WWOX: variants seen among roughly 807,000 people sequenced by gnomAD.
WWOX encodes WW domain containing oxidoreductase.
Under a neutral mutation model 46.2 loss-of-function variants are expected in WWOX, and 69 were observed. The ratio of observed to expected loss-of-function variants is 1.49; its 90% CI spans 1.23 to 1.82. The LOEUF (loss-of-function observed/expected upper bound fraction) is 1.82. Ranked by LOEUF, WWOX falls within the 40% of genes most tolerant of loss-of-function variation. WWOX has a pLI of 0.00. For synonymous variants in WWOX, 359 were observed against 202.6 expected (o/e 1.77, Z -6.56); for missense variants, 919 against 542.6 (o/e 1.69, Z -6.89).
intron 5 of WWOX, among the ~76,000 whole-genome samples, chr16:78,321,868 C>T (rs919113876): frequency 6.6e-5 from 10 of 152,040 alleles, no homozygotes; most frequent in African/African-American, 2.4e-4. Context: ...GCATATGATT[C>T]TGTTGACATT....
rs138002331 is a variant in WWOX, at chr16:79,211,976, G to GGTAAA, written c.*184_*188dup. ...CCAATGGGAAGCAGGGAATTCCTGG[G>GGTAAA]GTAAAGTATCACTTTTCTGGGGCTG... On this transcript the variant is annotated 3_prime_UTR_variant, in exon 9 of 9. Transcript: ENST00000566780. 79,265 of 1,535,944 alleles carry GGTAAA rather than the reference G, an allele frequency of 0.052. 2,761 individuals are homozygous for GGTAAA. Among genetic ancestry groups the GGTAAA allele is most frequent in the African/African-American group, 0.17 (12,375 of 73,102 alleles).
intron 8 of WWOX, among the ~76,000 whole-genome samples, chr16:79,107,749 C>T (rs1218756291): frequency 7.2e-5 from 11 of 152,162 alleles, no homozygotes; most frequent in Admixed American, 1.3e-4. Context: ...ATAAATTTCT[C>T]CCAAGGAAAT....
intron 8 of WWOX, among the ~76,000 whole-genome samples, chr16:78,914,074 TA>T (rs1165263104): frequency 6.6e-6 from 1 of 151,976 alleles, no homozygotes; most frequent in Admixed American, 6.6e-5. Flanking sequence ...GGAAATGGAG[TA>T]TGACAGTATC....
intron 8 of WWOX, among the ~76,000 whole-genome samples, chr16:78,906,281 G>A (rs533041442): frequency 2.6e-5 from 4 of 152,308 alleles, no homozygotes; most frequent in Admixed American, 2.0e-4. Flanking sequence ...CATAGCCCAA[G>A]GCAGCTTGAG....
At chr16:78,844,992 A>G (rs1333727989) in intron 8 of WWOX, among the ~76,000 whole-genome samples, 3 of 152,210 alleles carry the variant, frequency 2.0e-5, no homozygotes, top group Non-Finnish European at 2.9e-5. Context: ...GCCAGCCTGA[A>G]AGGCTGTCTC....
chr16:78,741,432 T>C (rs1211389381), intron 8 of WWOX, among the ~76,000 whole-genome samples: 1 of 152,144 alleles, frequency 6.6e-6, no homozygotes, highest in Non-Finnish European at 1.5e-5. Flanking sequence ...TGGTGGCGCA[T>C]GTCTGTAATT....
At chr16:78,302,150 G>A (rs2080052759) in intron 5 of WWOX, among the ~76,000 whole-genome samples, 1 of 151,902 alleles carries the variant, frequency 6.6e-6, no homozygotes, top group Admixed American at 6.6e-5. Flanking sequence ...TAGTAGAGAA[G>A]GGGTATCGCC....
intron 5 of WWOX, among the ~76,000 whole-genome samples, chr16:78,283,517 C>T (rs1429210641): frequency 6.6e-6 from 1 of 152,088 alleles, no homozygotes; most frequent in African/African-American, 2.4e-5. Context: ...ATATATTATA[C>T]ACAGCTGGGT....
intron 8 of WWOX, among the ~76,000 whole-genome samples, chr16:78,883,675 G>C (rs2151218109): frequency 6.6e-6 from 1 of 150,930 alleles, no homozygotes; most frequent in East Asian, 2.0e-4. Flanking sequence ...AGTGAGTTGA[G>C]ATCATGCTAC....
intron 5 of WWOX, among the ~76,000 whole-genome samples, chr16:78,263,450 A>C (rs1394118675): frequency 2.0e-5 from 3 of 152,120 alleles, no homozygotes; most frequent in Non-Finnish European, 2.9e-5. Flanking sequence ...CCCAAAGGTG[A>C]ATGGGGAGAA....
At chr16:78,121,374 A>C (rs2033084144) in intron 4 of WWOX, among the ~76,000 whole-genome samples, 1 of 152,226 alleles carries the variant, frequency 6.6e-6, no homozygotes, top group South Asian at 2.1e-4. Context: ...GTGTTAGACA[A>C]AGTCCTTAAA....
At chr16:78,956,869 G>A (rs916629144) in intron 8 of WWOX, among the ~76,000 whole-genome samples, 1 of 152,128 alleles carries the variant, frequency 6.6e-6, no homozygotes, top group Non-Finnish European at 1.5e-5. Flanking sequence ...TCTCAAACAT[G>A]TAGGCTTGAG....
At chr16:78,665,062 C>T (rs780031085) in intron 8 of WWOX, among the ~76,000 whole-genome samples, 7 of 152,154 alleles carry the variant, frequency 4.6e-5, no homozygotes, top group Non-Finnish European at 7.3e-5. Flanking sequence ...CAAAGGGCTG[C>T]CAATGGGAAT....
At chr16:78,498,178 C>T (rs1201139898) in intron 8 of WWOX, among the ~76,000 whole-genome samples, 5 of 121,094 alleles carry the variant, frequency 4.1e-5, no homozygotes, top group African/African-American at 1.2e-4. Flanking sequence ...GCACTCCAGC[C>T]TGGGCAACAG....
intron 8 of WWOX, among the ~76,000 whole-genome samples, chr16:78,994,763 C>G (rs929701092): frequency 2.1e-4 from 32 of 152,070 alleles, no homozygotes; most frequent in African/African-American, 7.7e-4. Flanking sequence ...CAGAGAAGGA[C>G]TTTCTTTGGA....
rs78732210 is a variant in WWOX at position 78,166,280 on chromosome 16, C to G, written c.516+1991C>G. Among the ~76,000 whole-genome samples, 318 of 152,022 alleles carry G rather than the reference C, an allele frequency of 2.1e-3. 2 individuals are homozygous for G. Among genetic ancestry groups the G allele is most frequent in the African/African-American group, 6.2e-3 (257 of 41,470 alleles). On this transcript the variant is annotated intron_variant, in intron 5 of 8. Transcript: ENST00000566780. ...ATCATGTGCTTATGCTATAACCAGT[C>G]TTCCCTTTGGTGGCCATTTAGGTTG...
intron 8 of WWOX, among the ~76,000 whole-genome samples, chr16:78,805,530 G>C (rs139104660): frequency 6.6e-6 from 1 of 151,894 alleles, no homozygotes; most frequent in Non-Finnish European, 1.5e-5. Context: ...TGATCCGCCC[G>C]CCTCAGCCTC....
At chr16:78,371,760 C>G (rs533065068) in intron 5 of WWOX, among the ~76,000 whole-genome samples, 1 of 151,948 alleles carries the variant, frequency 6.6e-6, no homozygotes, top group Non-Finnish European at 1.5e-5. Context: ...ACTAGCTATT[C>G]TGCTTTCAAA....
At chr16:78,637,985 A>G (rs1395027866) in intron 8 of WWOX, among the ~76,000 whole-genome samples, 2 of 152,092 alleles carry the variant, frequency 1.3e-5, no homozygotes, top group Non-Finnish European at 2.9e-5. Context: ...ATCACTTTCA[A>G]CTTGCTCACC....
Sources: gnomAD v4.1 joint callset for allele counts (sites outside exome capture counted in the v4.1 genomes callset) on GRCh38, gnomAD v4.1.1 for gene constraint, MANE v1.5 for transcripts, NCBI Gene and HGNC (gene_info 2026-07-23, HGNC 2026-07-21) for gene names.